MCC: variants seen among roughly 807,000 people sequenced by gnomAD.
The protein encoded by MCC is colorectal mutant cancer protein.
A neutral mutation model predicts 116.2 loss-of-function variants in MCC; 90 were observed. The observed-to-expected ratio is 0.77, with a 90% CI of 0.65 to 0.92. The LOEUF (loss-of-function observed/expected upper bound fraction) is 0.92. Among genes scored for constraint, MCC ranks in the 40% least tolerant of loss-of-function variants. The pLI is 0.00. For synonymous variants in MCC, 578 were observed against 510.5 expected, an observed-to-expected ratio of 1.13 and a Z score of -1.78; for missense variants, 1,516 against 1,312.2, an observed-to-expected ratio of 1.16 and a Z score of -2.40.
chr5:113,033,416 A>G (rs1751099850), intron 17 of MCC, among the ~76,000 whole-genome samples: 1 of 152,228 alleles, frequency 6.6e-6, no homozygotes, highest in Admixed American at 6.5e-5. Flanking sequence ...AGATTTTCAA[A>G]CGATGACATG....
At chr5:113,384,356 A>C (rs1769196421) in intron 2 of MCC, among the ~76,000 whole-genome samples, 1 of 152,206 alleles carries the variant, frequency 6.6e-6, no homozygotes, top group Non-Finnish European at 1.5e-5. Context: ...TGGGAGGCCA[A>C]GGCAGGTGGA....
intron 1 of MCC, among the ~76,000 whole-genome samples, chr5:113,447,657 C>T (rs962913344): frequency 7.9e-5 from 12 of 152,078 alleles, no homozygotes; most frequent in African/African-American, 2.7e-4. Context: ...AAAGATTTAT[C>T]TTTTTTTAAA....
chr5:113,338,674 T>A (rs141117893), intron 3 of MCC, among the ~76,000 whole-genome samples: 2 of 152,214 alleles, frequency 1.3e-5, no homozygotes, highest in East Asian at 3.8e-4. Flanking sequence ...TGAGCTGATA[T>A]AGTACAGAGG....
At chr5:113,460,700 T>C (rs1771720164) in intron 1 of MCC, among the ~76,000 whole-genome samples, 1 of 152,208 alleles carries the variant, frequency 6.6e-6, no homozygotes, top group Admixed American at 6.5e-5. Flanking sequence ...TCCTTATAAA[T>C]GCAGTCTGTC....
At chr5:113,211,444 A>G (rs1166717077) in intron 3 of MCC, among the ~76,000 whole-genome samples, 1 of 152,214 alleles carries the variant, frequency 6.6e-6, no homozygotes, top group South Asian at 2.1e-4. Flanking sequence ...AGAGATATGA[A>G]AGAACCTGAA....
intron 8 of MCC, among the ~76,000 whole-genome samples, chr5:113,088,524 C>G (rs1332783784): frequency 6.6e-6 from 1 of 151,382 alleles, no homozygotes; most frequent in Non-Finnish European, 1.5e-5. Flanking sequence ...GCAAGATAAT[C>G]TGATTTGGGT....
intron 2 of MCC, among the ~76,000 whole-genome samples, chr5:113,374,217 G>GTTT (rs533640371): frequency 7.8e-6 from 1 of 127,644 alleles, no homozygotes; most frequent in Non-Finnish European, 1.8e-5. Flanking sequence ...TTTTTTTTTT[G>GTTT]TTTTTTTTTT....
At chr5:113,234,198 A>C (rs545382969) in intron 3 of MCC, among the ~76,000 whole-genome samples, 1 of 152,336 alleles carries the variant, frequency 6.6e-6, no homozygotes, top group East Asian at 1.9e-4. Context: ...AAGACATTAA[A>C]ATATATCAAG....
At chr5:113,076,699 A>G (rs961070966) in intron 11 of MCC, among the ~76,000 whole-genome samples, 2 of 152,242 alleles carry the variant, frequency 1.3e-5, no homozygotes, top group African/African-American at 4.8e-5. Flanking sequence ...CAGCCACTAC[A>G]AAAACATGCC....
chr5:113,039,716 C>T (rs78897249), intron 17 of MCC, among the ~76,000 whole-genome samples: 61 of 139,714 alleles, frequency 4.4e-4, no homozygotes, highest in Middle Eastern at 3.5e-3. Flanking sequence ...TCCGCGCCCC[C>T]CCCCCCAACC....
chr5:113,374,807 A>G (rs1207064223), intron 2 of MCC, among the ~76,000 whole-genome samples: 2 of 151,954 alleles, frequency 1.3e-5, no homozygotes, highest in African/African-American at 4.8e-5. Context: ...CCTGGGCAAC[A>G]TGGTGAAATC....
At chr5:113,225,156 A>G (rs1162046305) in intron 3 of MCC, among the ~76,000 whole-genome samples, 2 of 152,098 alleles carry the variant, frequency 1.3e-5, no homozygotes, top group Non-Finnish European at 2.9e-5. Flanking sequence ...AGATTCTTAC[A>G]TAGAGTCAAA....
intron 3 of MCC, among the ~76,000 whole-genome samples, chr5:113,255,130 A>G (rs1764959004): frequency 6.6e-6 from 1 of 152,188 alleles, no homozygotes; most frequent in South Asian, 2.1e-4. Flanking sequence ...GCACCACTGC[A>G]CTCCACCCTA....
chr5:113,180,458 C>T (rs1037736201), intron 3 of MCC, among the ~76,000 whole-genome samples: 6 of 152,108 alleles, frequency 3.9e-5, no homozygotes, highest in South Asian at 2.1e-4. Context: ...CTTCCTTCTG[C>T]CCCTCCTAGG....
chr5:113,176,491 A>G (rs1042100943), intron 3 of MCC, among the ~76,000 whole-genome samples: 2 of 152,388 alleles, frequency 1.3e-5, no homozygotes, highest in Middle Eastern at 3.4e-3. Flanking sequence ...ACACAGAGCA[A>G]GACACTGTTC....
At chr5:113,263,076 A>G (rs1765273428) in intron 3 of MCC, among the ~76,000 whole-genome samples, 1 of 152,016 alleles carries the variant, frequency 6.6e-6, no homozygotes, top group Non-Finnish European at 1.5e-5. Context: ...AGAAAGGCTG[A>G]TAAGAAACCA....
rs1229090505 is a variant in MCC at position 113,174,646 on chromosome 5, C to T, written c.628-23224G>A. On this transcript the variant is annotated intron_variant, in intron 3 of 18. Transcript: ENST00000408903. Reference sequence around the variant, plus strand: ...TTTTTTGAGGGTGTTTCTCTGTCATCCAGGTTAGAGTCCAATGGTCCAATC... The same window carrying T: ...TTTTTTGAGGGTGTTTCTCTGTCATTCAGGTTAGAGTCCAATGGTCCAATC... Among the ~76,000 whole-genome samples the T allele has an allele frequency of 4.7e-5, 7 of 150,172 alleles. No homozygotes were observed. In the South Asian group the frequency reaches 1.5e-3, roughly 32 times the overall value.
intron 1 of MCC, among the ~76,000 whole-genome samples, chr5:113,459,395 G>A (rs115271953): frequency 0.032 from 4,929 of 151,700 alleles, 195 homozygotes; most frequent in African/African-American, 0.096. Flanking sequence ...AAAATTGGCC[G>A]GGCGTGGTTG....
intron 8 of MCC, among the ~76,000 whole-genome samples, chr5:113,094,233 G>T (rs1452920115): frequency 2.0e-5 from 3 of 151,866 alleles, no homozygotes; most frequent in African/African-American, 7.3e-5. Context: ...ATTGTTAATG[G>T]CAATTTTGAC....
Sources: allele counts gnomAD v4.1 joint callset (sites outside exome capture counted in the v4.1 genomes callset), GRCh38; gene constraint gnomAD v4.1.1; transcripts MANE v1.5; gene names NCBI Gene and HGNC (gene_info 2026-07-23, HGNC 2026-07-21).